ESS2: variants seen among roughly 807,000 people sequenced by gnomAD.
ESS2 encodes the protein splicing factor ESS-2 homolog.
ESS2 carries 31 observed loss-of-function variants against 52.0 expected under a neutral mutation model. The observed-to-expected ratio is 0.60, with a 90% CI of 0.45 to 0.81. The LOEUF is 0.81. Ranked by LOEUF, ESS2 falls within the 30% of genes least tolerant of loss-of-function variation. The pLI is 0.00. For missense variants in ESS2, 602 were observed against 637.2 expected (o/e 0.94, Z 0.59); for synonymous variants, 285 against 259.2 (o/e 1.10, Z -0.95).
intron 3 of ESS2, among the ~76,000 whole-genome samples, chr22:19,140,451 C>A (rs987990026): frequency 1.3e-5 from 2 of 151,868 alleles, no homozygotes; most frequent in Non-Finnish European, 3.0e-5. Flanking sequence ...ACCTTACCCA[C>A]TCTTCTCTTC....
At position 19,131,265 on chromosome 22, in the gene ESS2, T is replaced by G; in HGVS notation, c.*2931A>C. ...GAAGTCACCCGGAGACAATGCTGAG[T>G]GTTCCACCCCTGAGTCGAAGCCCAG... On this transcript the variant is annotated 3_prime_UTR_variant, in exon 10 of 10. Coordinates refer to ENST00000252137, the MANE Select transcript of ESS2 (RefSeq NM_022719.3). This position sits in a 1 kb window ranked among gnomAD's most constrained non-coding sequence, Gnocchi z 5.7. 1.4e-6 allele frequency: 1 copy of G among 698,396 alleles called. No homozygotes were observed. 43.3% of individuals were successfully genotyped at this position (698,396 alleles called of 1,614,324 possible).
Position 19,139,257 on chromosome 22 carries a change from G to T in ESS2, c.724C>A (p.Arg242=). 1 of 1,605,568 alleles carries T rather than the reference G, an allele frequency of 6.2e-7. No homozygotes were observed. Among genetic ancestry groups the T allele is most frequent in the East Asian group, 2.2e-5 (1 of 44,652 alleles). ...CGCGTGTTCTTATGTACCACCTGCC[G>T]GGGCTTCTTAAACAGCTGCTCCTCG... ...PDEEQLFKKP[R]QVVHKNTRFL... is the part of the protein sequence containing the mutation. Residue 242 remains arginine (R), a synonymous_variant, in exon 6 of 10, where the codon CGG becomes AGG. Transcript: ENST00000252137.
In ESS2 at chr22:19,131,825, TCTC is replaced by T. The variant is rs2083510839; in HGVS notation, c.*2368_*2370del. On this transcript the variant is annotated 3_prime_UTR_variant, in exon 10 of 10. Transcript: ENST00000252137. This position sits in a 1 kb window ranked among gnomAD's most constrained non-coding sequence, Gnocchi z 5.7. ...ACCGGGACCTCAAGTGCGAGAACCT[TCTC>T]CTCGACAAGGACTTCAACATCAAGC... 6.2e-7 allele frequency: 1 copy of T among 1,613,850 alleles called. No homozygotes were observed. The highest frequency in any genetic ancestry group is 1.1e-5 in the South Asian group (1 of 91,046).
chr22:19,143,403 C>T (rs1220643583), intron 1 of ESS2, among the ~76,000 whole-genome samples: 1 of 152,024 alleles, frequency 6.6e-6, no homozygotes, highest in Non-Finnish European at 1.5e-5. Flanking sequence ...CATGCTGCAA[C>T]CTCTAACATT....
At chr22:19,135,206 GC>G in intron 8 of ESS2, 31 bp from the exon 9 acceptor site, 13 of 1,557,030 alleles carry the variant, frequency 8.3e-6, no homozygotes, top group African/African-American at 1.4e-5. Context: ...GGGTAGCTGC[GC>G]CAGGCCTGCC....
At chr22:19,142,417 G>T in intron 3 of ESS2, 121 bp downstream of exon 3, 1 of 874,626 alleles carries the variant, frequency 1.1e-6, no homozygotes, top group Non-Finnish European at 1.8e-6. Flanking sequence ...TGCTATTTAC[G>T]CAAGACCCCT....
chr22:19,135,025 C>T (rs2083557746), intron 9 of ESS2, 35 bp downstream of exon 9: 2 of 1,594,008 alleles, frequency 1.3e-6, no homozygotes, highest in Non-Finnish European at 1.7e-6. Context: ...CCAGAGCCAC[C>T]CTCGCACTTC....
At position 19,130,539 on chromosome 22, in the gene ESS2, G is replaced by C; in HGVS notation, c.*3657C>G. The stretch of plus-strand genomic sequence containing the variant: ...AAGGCCTGTCTACTGTGGTACCGGA[G>C]TGATTATTTCGATTGTATCTCCTTT... On this transcript the variant is annotated 3_prime_UTR_variant, in exon 10 of 10. Transcript: ENST00000252137. 1 of 429,264 alleles carries C rather than the reference G, an allele frequency of 2.3e-6. No homozygotes were observed. Among genetic ancestry groups the C allele is most frequent in the Non-Finnish European group, 4.5e-6 (1 of 220,632 alleles). The allele number at this position is 429,264 out of a possible 1,614,324, so 26.6% of individuals were successfully genotyped here.
At chr22:19,143,732 T>C (rs2083735078) in intron 1 of ESS2, among the ~76,000 whole-genome samples, 1 of 152,170 alleles carries the variant, frequency 6.6e-6, no homozygotes, top group Admixed American at 6.5e-5. Context: ...GGCGGGCACC[T>C]GTAGTCACAG....
intron 1 of ESS2, 75 bp downstream of exon 1, chr22:19,144,431 G>A (rs1037578835): frequency 1.2e-6 from 2 of 1,601,084 alleles, no homozygotes; most frequent in Admixed American, 1.7e-5. Flanking sequence ...GTCAACACCC[G>A]AGAGAGGGAA....
In ESS2 at chr22:19,131,864, T is replaced by A. The variant is rs373815280; in HGVS notation, c.*2332A>T. ...ACTTCAACATCAAGCTGTCTGACTT[T>A]GGCTTCTCCAAGCGCTGCCTGCGGG... On this transcript the variant is annotated 3_prime_UTR_variant, in exon 10 of 10. Coordinates refer to ENST00000252137, the MANE Select transcript of ESS2 (RefSeq NM_022719.3). This position sits in a 1 kb window ranked among gnomAD's most constrained non-coding sequence, Gnocchi z 5.7. 1.9e-6 allele frequency: 3 copies of A among 1,614,052 alleles called. No homozygotes were observed. The African/African-American group carries it at 4.0e-5, about 22-fold the overall frequency.
intron 8 of ESS2, among the ~76,000 whole-genome samples, chr22:19,136,031 T>TTAAAAA (rs1555914465): frequency 5.4e-5 from 5 of 92,544 alleles, no homozygotes; most frequent in Non-Finnish European, 1.0e-4. Flanking sequence ...CCCTATCTGT[T>TTAAAAA]AAAAAAAAAA....
Position 19,134,433 on chromosome 22 carries a change from T to C in ESS2, c.1194A>G (p.Leu398=). The C allele has an allele frequency of 1.6e-5, 25 of 1,594,822 alleles. No individual in the cohort carries two copies. The highest frequency in any genetic ancestry group is 2.1e-5 in the Non-Finnish European group (25 of 1,169,340). Residue 398 remains leucine, a synonymous_variant, in exon 10 of 10, where the codon CTA becomes CTG. Transcript: ENST00000252137. ...KGLSPAMSPA[L]QRLVSRTASK... is the part of the protein sequence containing the mutation. ...TGGCCGTCCTGCTCACAAGGCGCTG[T>C]AGGGCTGGCGACATGGCTGGGCTCA...
At chr22:19,144,266 C>G (rs1031804641) in intron 1 of ESS2, 9 of 1,284,322 alleles carry the variant, frequency 7.0e-6, no homozygotes, top group African/African-American at 1.5e-5. Flanking sequence ...AATCTTCTTT[C>G]CCTGACCCCC....
rs1228574688 is a variant in ESS2, at chr22:19,131,691, C to G, written c.*2505G>C. On this transcript the variant is annotated 3_prime_UTR_variant, in exon 10 of 10. Coordinates refer to ENST00000252137, the MANE Select transcript of ESS2 (RefSeq NM_022719.3). The surrounding 1 kb of genome is among the most constrained non-coding windows in gnomAD (Gnocchi z 5.7). ...CATGGAGCTTGGCGTCCAGGGCGAC[C>G]TCCTCGAGTTCATCAAGTGCCAGGG... is the stretch of plus-strand genomic sequence containing the variant. 1 of 1,614,094 alleles carries G rather than the reference C, an allele frequency of 6.2e-7. No homozygotes were observed. The highest frequency in any genetic ancestry group is 1.7e-5 in the Admixed American group (1 of 60,020).
In ESS2 at chr22:19,137,366, G is replaced by C; in HGVS notation, c.992C>G (p.Ser331Trp). 6.2e-7 allele frequency: 1 copy of C among 1,613,728 alleles called. No homozygotes were observed. The highest frequency in any genetic ancestry group is 8.5e-7 in the Non-Finnish European group (1 of 1,179,850). Residue 331 changes from serine to tryptophan, a missense_variant, in exon 8 of 10, where the codon TCG becomes TGG. Transcript: ENST00000252137. The stretch of plus-strand genomic sequence containing the variant: ...TGTCCTGTCCACGTAGGGCGTTTCC[G>C]ACCCTTCAACTCTCAAGGGTGTGTT... ...VENTPLRVEG[S>W]ETPYVDRTPG...
chr22:19,135,029 G>T, intron 9 of ESS2, 31 bp downstream of exon 9: 1 of 1,596,366 alleles, frequency 6.3e-7, no homozygotes, highest in Non-Finnish European at 8.6e-7. Context: ...AGCCACCCTC[G>T]CACTTCCCCA....
chr22:19,132,188 C>T lies in ESS2; in HGVS notation c.*2008G>A, dbSNP rs767667222. On this transcript the variant is annotated 3_prime_UTR_variant, in exon 10 of 10. Transcript: ENST00000252137. This position sits in a 1 kb window ranked among gnomAD's most constrained non-coding sequence, Gnocchi z 4.2. Reference sequence around the variant, plus strand: ...CCGACGTCAGCCAGCGGCTCCACATCGATGAGATCCTCAGCCACTCGTGGC... The same window carrying T: ...CCGACGTCAGCCAGCGGCTCCACATTGATGAGATCCTCAGCCACTCGTGGC... The T allele has an allele frequency of 1.7e-5, 27 of 1,613,004 alleles. No individual in the cohort carries two copies. The highest frequency in any genetic ancestry group is 2.2e-5 in the East Asian group (1 of 44,860).
intron 1 of ESS2, among the ~76,000 whole-genome samples, chr22:19,143,473 T>C (rs2083729704): frequency 6.6e-6 from 1 of 152,200 alleles, no homozygotes; most frequent in Non-Finnish European, 1.5e-5. Flanking sequence ...AACTGGTCAT[T>C]CTCATTCTCC....
Sources: allele counts gnomAD v4.1 joint callset (sites outside exome capture counted in the v4.1 genomes callset), GRCh38; gene constraint gnomAD v4.1.1; non-coding constraint Gnocchi (gnomAD v3.1); transcripts MANE v1.5; gene names NCBI Gene and HGNC (gene_info 2026-07-23, HGNC 2026-07-21).